ZC3HAV1: variants seen among roughly 807,000 people sequenced by gnomAD.
ZC3HAV1 encodes zinc finger CCCH-type antiviral protein 1.
A neutral mutation model predicts 86.6 loss-of-function variants in ZC3HAV1; 41 were observed. That is an observed-to-expected ratio of 0.47 (90% confidence interval 0.37 to 0.61). The LOEUF (loss-of-function observed/expected upper bound fraction) is 0.61, where lower values mean the gene tolerates loss of function less well. ZC3HAV1 is among the 20% of genes least tolerant of loss of function. The pLI is 0.00. For synonymous variants in ZC3HAV1, 421 were observed against 432.1 expected, an observed-to-expected ratio of 0.97 and a Z score of 0.32; for missense variants, 964 against 1,141.1, an observed-to-expected ratio of 0.84 and a Z score of 2.24.
chr7:139,079,068 A>T (rs1349931438), intron 4 of ZC3HAV1: 4 of 1,534,340 alleles, frequency 2.6e-6, no homozygotes, highest in Non-Finnish European at 3.5e-6. Context: ...CTGCAGACTC[A>T]AGACACAGAG....
intron 8 of ZC3HAV1, among the ~76,000 whole-genome samples, chr7:139,061,763 C>A (rs984561209): frequency 6.6e-6 from 1 of 152,170 alleles, no homozygotes; most frequent in Non-Finnish European, 1.5e-5. Flanking sequence ...AAGATGTGCA[C>A]GTGAATGCTC....
chr7:139,053,836 A>T, intron 11 of ZC3HAV1, 129 bp downstream of exon 11: 1 of 1,288,474 alleles, frequency 7.8e-7, no homozygotes, highest in Non-Finnish European at 1.0e-6. Flanking sequence ...TGAAAAAAAA[A>T]AAAAAAGACT....
At position 139,079,877 on chromosome 7, in the gene ZC3HAV1, G is replaced by A; in HGVS notation, c.1064C>T (p.Ser355Leu). The stretch of plus-strand genomic sequence containing the variant: ...TGTGAGGCTCTTCCAGTTGGGGGCT[G>A]ATGTTGAATTGGAAGCAAGGTAAGT... ...GSTYLASNSTSAPNWKSLTSW... is the reference protein window; with the variant it reads ...GSTYLASNSTLAPNWKSLTSW... Residue 355 changes from serine (S) to leucine (L), a missense_variant, in exon 4 of 13, where the codon TCA (serine) becomes TTA (leucine). Transcript: ENST00000242351. 6.2e-7 allele frequency: 1 copy of A among 1,614,182 alleles called. No homozygotes were observed. The highest frequency in any genetic ancestry group is 8.5e-7 in the Non-Finnish European group (1 of 1,180,040).
chr7:139,104,583 C>A (rs1210267458), intron 1 of ZC3HAV1, among the ~76,000 whole-genome samples: 2 of 151,838 alleles, frequency 1.3e-5, no homozygotes, highest in African/African-American at 4.8e-5. Context: ...ATTAGCCAGG[C>A]GTGGTGGCAG....
At chr7:139,099,736 G>C (rs1817696924) in intron 1 of ZC3HAV1, among the ~76,000 whole-genome samples, 1 of 152,068 alleles carries the variant, frequency 6.6e-6, no homozygotes, top group Non-Finnish European at 1.5e-5. Context: ...AGAGCAGCCT[G>C]GCCAATGTGG....
chr7:139,057,505 G>T (rs1816319207), intron 9 of ZC3HAV1, among the ~76,000 whole-genome samples: 1 of 151,040 alleles, frequency 6.6e-6, no homozygotes, highest in African/African-American at 2.4e-5. Context: ...CTTTATGTTT[G>T]AAATTTTCCA....
At chr7:139,074,315 T>G (rs552804386) in intron 6 of ZC3HAV1, among the ~76,000 whole-genome samples, 113 of 152,372 alleles carry the variant, frequency 7.4e-4, no homozygotes, top group African/African-American at 2.6e-3. Context: ...GGCTCAATGT[T>G]ATAAAGTAAG....
At chr7:139,089,567 G>A in intron 2 of ZC3HAV1, 57 bp downstream of exon 2, 1 of 1,511,294 alleles carries the variant, frequency 6.6e-7, no homozygotes, top group Non-Finnish European at 8.8e-7. Flanking sequence ...CAAAATATCT[G>A]TGACACAATA....
intron 5 of ZC3HAV1, 130 bp downstream of exon 5, chr7:139,078,422 C>A (rs1817019304): frequency 1.5e-6 from 1 of 681,062 alleles, no homozygotes; most frequent in Non-Finnish European, 2.5e-6. Context: ...CCCAACTCCA[C>A]TTCTGGGTAT....
intron 2 of ZC3HAV1, among the ~76,000 whole-genome samples, chr7:139,086,913 C>A (rs1275044047): frequency 1.3e-5 from 2 of 152,154 alleles, no homozygotes; most frequent in South Asian, 2.1e-4. Flanking sequence ...AACTGTAAGC[C>A]AATTAAACCT....
chr7:139,101,510 T>TGA, intron 1 of ZC3HAV1, among the ~76,000 whole-genome samples: 1 of 95,964 alleles, frequency 1.0e-5, no homozygotes, highest in African/African-American at 4.2e-5. Context: ...GTCTGGGAGG[T>TGA]GTACCCAACA....
chr7:139,078,962 C>A, intron 4 of ZC3HAV1: 1 of 1,194,246 alleles, frequency 8.4e-7, no homozygotes, highest in Non-Finnish European at 1.1e-6. Context: ...TAGTCAATCT[C>A]CTCACCAGAC....
At position 139,102,004 on chromosome 7, in the gene ZC3HAV1, T is replaced by TTA. The variant is rs1554445861; in HGVS notation, c.308+7019_308+7020insTA. 5.3e-3 allele frequency among the ~76,000 whole-genome samples: 690 copies of TTA among 130,466 alleles called. 5 individuals are homozygous for TTA. The highest frequency in any genetic ancestry group is 0.018 in the African/African-American group (657 of 36,976). 85.6% of individuals were successfully genotyped at this position (130,466 alleles called of 152,430 possible). ...GTGAGAAACACCCAAGAATGATCAA[T>TTA]AAAAAAAAAAAAAAATCAAAATTCC... On this transcript the variant is annotated intron_variant, in intron 1 of 12. Coordinates refer to ENST00000242351, the MANE Select transcript of ZC3HAV1 (RefSeq NM_020119.4).
chr7:139,074,612 CAAT>C (rs1816879835), intron 6 of ZC3HAV1, among the ~76,000 whole-genome samples: 1 of 151,560 alleles, frequency 6.6e-6, no homozygotes, highest in Non-Finnish European at 1.5e-5. Context: ...AAACTCCTCT[CAAT>C]AAATTTTTTG....
At chr7:139,106,182 G>A (rs185943453) in intron 1 of ZC3HAV1, among the ~76,000 whole-genome samples, 182 of 152,060 alleles carry the variant, frequency 1.2e-3, no homozygotes, top group Admixed American at 4.3e-3. Flanking sequence ...CCCAATTAAC[G>A]AGTTTAAAAC....
chr7:139,074,479 G>A (rs1816875717), intron 6 of ZC3HAV1, among the ~76,000 whole-genome samples: 1 of 151,892 alleles, frequency 6.6e-6, no homozygotes, highest in Non-Finnish European at 1.5e-5. Flanking sequence ...ATTCTCTCAG[G>A]AATACACGAT....
At chr7:139,077,756 T>C (rs2130702672) in intron 5 of ZC3HAV1, among the ~76,000 whole-genome samples, 1 of 152,354 alleles carries the variant, frequency 6.6e-6, no homozygotes, top group African/African-American at 2.4e-5. Flanking sequence ...ATTTGCCTTA[T>C]ATTATGTTTA....
At chr7:139,085,554 G>C (rs1158314609) in intron 2 of ZC3HAV1, among the ~76,000 whole-genome samples, 2 of 152,196 alleles carry the variant, frequency 1.3e-5, no homozygotes, top group African/African-American at 4.8e-5. Flanking sequence ...TTAAATGTTA[G>C]TTGAATGAAT....
intron 6 of ZC3HAV1, among the ~76,000 whole-genome samples, chr7:139,074,759 G>A (rs1427188124): frequency 6.6e-6 from 1 of 151,900 alleles, no homozygotes; most frequent in African/African-American, 2.4e-5. Context: ...ATTAAATATA[G>A]TTACATGAAA....
Sources: allele counts gnomAD v4.1 joint callset (sites outside exome capture counted in the v4.1 genomes callset), GRCh38; gene constraint gnomAD v4.1.1; transcripts MANE v1.5; gene names NCBI Gene and HGNC (gene_info 2026-07-23, HGNC 2026-07-21).